The following EEIG2 variants were observed in gnomAD, a reference collection of about 807,000 sequenced individuals.
The protein encoded by EEIG2 is family with sequence similarity 102 member B.
chr1:108,563,605 A>G, the EEIG2 span, among the ~76,000 whole-genome samples: 1 of 152,166 alleles, frequency 6.6e-6, no homozygotes, highest in Non-Finnish European at 1.5e-5. Context: ...TATAGGTCAT[A>G]TGTATTTGAT....
At chr1:108,611,934 A>G in the EEIG2 span, among the ~76,000 whole-genome samples, 1 of 152,162 alleles carries the variant, frequency 6.6e-6, no homozygotes, top group Non-Finnish European at 1.5e-5. Flanking sequence ...TATATTTACC[A>G]CATCAAATCT....
the EEIG2 span, among the ~76,000 whole-genome samples, chr1:108,603,109 T>A: frequency 6.6e-6 from 1 of 152,190 alleles, no homozygotes; most frequent in South Asian, 2.1e-4. Flanking sequence ...AACAGCCGCT[T>A]GAAGGCATTG....
At chr1:108,560,339 G>A in the EEIG2 span, 1 of 1,054,052 alleles carries the variant, frequency 9.5e-7, no homozygotes, top group African/African-American at 1.7e-5. Context: ...TCGCGGCCCC[G>A]GCCATGGGGC....
At chr1:108,599,774 C>G in the EEIG2 span, among the ~76,000 whole-genome samples, 1 of 152,174 alleles carries the variant, frequency 6.6e-6, no homozygotes, top group Non-Finnish European at 1.5e-5. Flanking sequence ...GGTGGATTAC[C>G]TGAGGTCAGG....
At chr1:108,564,468 A>G in the EEIG2 span, among the ~76,000 whole-genome samples, 6 of 152,170 alleles carry the variant, frequency 3.9e-5, no homozygotes, top group Admixed American at 2.6e-4. Context: ...TGGTGGTGGA[A>G]GATATAGTGG....
the EEIG2 span, among the ~76,000 whole-genome samples, chr1:108,571,525 G>T: frequency 7.8e-3 from 1,191 of 152,278 alleles, 15 homozygotes; most frequent in African/African-American, 0.027. Context: ...GGACAGAGAA[G>T]ATTGAGGATT....
chr1:108,612,464 G>A, the EEIG2 span, among the ~76,000 whole-genome samples: 216 of 152,326 alleles, frequency 1.4e-3, no homozygotes, highest in Admixed American at 1.7e-3. Context: ...CACAAATGCA[G>A]TGAAAAGTAA....
the EEIG2 span, among the ~76,000 whole-genome samples, chr1:108,632,891 C>T: frequency 2.0e-5 from 3 of 151,710 alleles, 1 homozygote; most frequent in South Asian, 6.2e-4. Flanking sequence ...GCCTTCAACC[C>T]CGGGCTCAGC....
chr1:108,637,946 C>CT, the EEIG2 span: 2 of 152,662 alleles, frequency 1.3e-5, no homozygotes, highest in African/African-American at 4.8e-5. Context: ...ATACCAACAG[C>CT]TAATGTGGAT....
the EEIG2 span, among the ~76,000 whole-genome samples, chr1:108,571,313 C>G: frequency 6.6e-6 from 1 of 152,150 alleles, no homozygotes; most frequent in Non-Finnish European, 1.5e-5. Context: ...AACATCACCT[C>G]TGCTGTAGGG....
chr1:108,588,583 G>A, the EEIG2 span, among the ~76,000 whole-genome samples: 7 of 152,122 alleles, frequency 4.6e-5, no homozygotes, highest in African/African-American at 1.7e-4. Context: ...TGAATACAAT[G>A]TGGGATAAAC....
the EEIG2 span, among the ~76,000 whole-genome samples, chr1:108,614,230 A>G: frequency 6.8e-6 from 1 of 148,042 alleles, no homozygotes; most frequent in African/African-American, 2.5e-5. Flanking sequence ...AAAAAAAAAT[A>G]CTCCTGGCTC....
At chr1:108,618,424 A>G in the EEIG2 span, among the ~76,000 whole-genome samples, 132,474 of 152,234 alleles carry the variant, frequency 0.87, 58,214 homozygotes, top group Non-Finnish European at 0.94. Flanking sequence ...GAGAGTGAGC[A>G]TGAATGGAAC....
the EEIG2 span, chr1:108,624,791 G>A: frequency 3.6e-5 from 54 of 1,505,098 alleles, no homozygotes; most frequent in African/African-American, 4.1e-4. Context: ...TGTGAGAGAC[G>A]ACTTGATGCC....
chr1:108,583,936 A>T, the EEIG2 span, among the ~76,000 whole-genome samples: 4 of 152,078 alleles, frequency 2.6e-5, no homozygotes, highest in African/African-American at 9.7e-5. Context: ...GTTAGAGGAC[A>T]GGGTGTTCAG....
At chr1:108,622,914 G>T in the EEIG2 span, among the ~76,000 whole-genome samples, 1 of 152,070 alleles carries the variant, frequency 6.6e-6, no homozygotes, top group Admixed American at 6.6e-5. Flanking sequence ...GGAAGATGTG[G>T]TTTTCCTCTG....
chr1:108,565,847 T>C, the EEIG2 span, among the ~76,000 whole-genome samples: 1 of 152,226 alleles, frequency 6.6e-6, no homozygotes, highest in Non-Finnish European at 1.5e-5. Context: ...TAAACATTTC[T>C]TTATTGAAAA....
chr1:108,630,730 C>T, the EEIG2 span, among the ~76,000 whole-genome samples: 1 of 152,178 alleles, frequency 6.6e-6, no homozygotes, highest in Admixed American at 6.5e-5. Flanking sequence ...GAATTCTAAT[C>T]ACTCACTTGC....
the EEIG2 span, among the ~76,000 whole-genome samples, chr1:108,592,754 A>G: frequency 6.6e-6 from 1 of 152,222 alleles, no homozygotes; most frequent in Admixed American, 6.5e-5. Flanking sequence ...AACTTTGCAG[A>G]TTTGGAAATG....
Sources: allele counts gnomAD v4.1 joint callset (sites outside exome capture counted in the v4.1 genomes callset), GRCh38; gene constraint gnomAD v4.1.1; transcripts MANE v1.5; gene names NCBI Gene and HGNC (gene_info 2026-07-23, HGNC 2026-07-21).